OPCML: variants seen among roughly 807,000 people sequenced by gnomAD.
OPCML encodes the protein opioid-binding protein/cell adhesion molecule.
Under a neutral mutation model 37.8 loss-of-function variants are expected in OPCML, and 13 were observed. The ratio of observed to expected loss-of-function variants is 0.34; its 90% confidence interval spans 0.22 to 0.55. The LOEUF (loss-of-function observed/expected upper bound fraction) is 0.55. Among genes scored for constraint, OPCML ranks in the 20% least tolerant of loss-of-function variants. The pLI, the probability that OPCML is intolerant of heterozygous loss-of-function variation, is 0.91. For synonymous variants in OPCML, 176 were observed against 168.8 expected (o/e 1.04, Z -0.33); for missense variants, 341 against 435.6 (o/e 0.78, Z 1.93).
chr11:132,588,176 G>A (rs908485277), intron 3 of OPCML, among the ~76,000 whole-genome samples: 4 of 152,104 alleles, frequency 2.6e-5, no homozygotes, highest in African/African-American at 9.7e-5. Flanking sequence ...CACATCATGG[G>A]GGCATCAGGT....
At chr11:132,632,190 CA>C (rs1355001174) in intron 3 of OPCML, among the ~76,000 whole-genome samples, 1 of 145,514 alleles carries the variant, frequency 6.9e-6, no homozygotes, top group Non-Finnish European at 1.5e-5. Context: ...GAGATTTGGG[CA>C]GGATCTTGTT....
Position 132,419,150 on chromosome 11 carries a change from C to T in OPCML, c.*1043G>A, listed in dbSNP as rs948162964. 6.6e-6 allele frequency: 1 copy of T among 152,432 alleles called. No homozygotes were observed. The highest frequency in any genetic ancestry group is 1.5e-5 in the Non-Finnish European group (1 of 68,038). The allele number at this position is 152,432 out of a possible 1,614,324, so 9.4% of individuals were successfully genotyped here. On this transcript the variant is annotated 3_prime_UTR_variant, in exon 8 of 8. Transcript: ENST00000524381. Reference sequence around the variant, plus strand: ...AAGATAATTTTGAAGATGCCAATGTCTGCTGATGGTGTATAAATGAATACA... The same window carrying T: ...AAGATAATTTTGAAGATGCCAATGTTTGCTGATGGTGTATAAATGAATACA...
intron 2 of OPCML, among the ~76,000 whole-genome samples, chr11:132,728,589 TA>T (rs1330731451): frequency 2.0e-5 from 3 of 152,228 alleles, no homozygotes; most frequent in African/African-American, 7.2e-5. Flanking sequence ...GTTCTCTCCC[TA>T]CTTCAACACA....
chr11:132,542,805 T>C (rs2096360034), intron 3 of OPCML, among the ~76,000 whole-genome samples: 2 of 152,158 alleles, frequency 1.3e-5, no homozygotes, highest in Non-Finnish European at 2.9e-5. Flanking sequence ...CTAGGTACAC[T>C]TCCCAGTAAA....
chr11:132,909,825 C>T (rs761107855), intron 2 of OPCML, among the ~76,000 whole-genome samples: 1 of 152,136 alleles, frequency 6.6e-6, no homozygotes, highest in East Asian at 1.9e-4. Flanking sequence ...GCCTCACTTG[C>T]CATTTAATGT....
In OPCML at chr11:132,415,498, A is replaced by G. The variant is rs2095935565; in HGVS notation, c.*4695T>C. ...AGTACATAGCATTGTTATTACTGAT[A>G]GCTTTATAAATCTGCCAAATAACAT... On this transcript the variant is annotated 3_prime_UTR_variant, in exon 8 of 8. Coordinates refer to ENST00000524381, the MANE Select transcript of OPCML (RefSeq NM_001012393.5). 6.6e-6 allele frequency: 1 copy of G among 152,196 alleles called. No individual in the cohort carries two copies. The highest frequency in any genetic ancestry group is 2.4e-5 in the African/African-American group (1 of 41,448). The allele number at this position is 152,196 out of a possible 1,614,324, so 9.4% of individuals were successfully genotyped here.
At chr11:133,186,067 T>A (rs1210316563) in intron 1 of OPCML, among the ~76,000 whole-genome samples, 1 of 152,048 alleles carries the variant, frequency 6.6e-6, no homozygotes, top group Non-Finnish European at 1.5e-5. Flanking sequence ...CCATCCTTTG[T>A]AGTTATTTCA....
At chr11:132,852,738 C>G (rs925178498) in intron 2 of OPCML, among the ~76,000 whole-genome samples, 1 of 152,078 alleles carries the variant, frequency 6.6e-6, no homozygotes, top group South Asian at 2.1e-4. Context: ...CCTGAGTACA[C>G]ATTTTAAAAT....
At chr11:133,109,326 G>A (rs1440962638) in intron 1 of OPCML, among the ~76,000 whole-genome samples, 2 of 152,174 alleles carry the variant, frequency 1.3e-5, no homozygotes, top group African/African-American at 2.4e-5. Context: ...GCATGGAAGA[G>A]GACTGAGTGG....
At chr11:132,473,159 T>G (rs2096143469) in intron 4 of OPCML, among the ~76,000 whole-genome samples, 1 of 152,236 alleles carries the variant, frequency 6.6e-6, no homozygotes, top group Non-Finnish European at 1.5e-5. Context: ...AAATGCCAAG[T>G]GAATGACCTT....
chr11:133,469,953 C>G (rs1351288681), intron 1 of OPCML, among the ~76,000 whole-genome samples: 1 of 152,224 alleles, frequency 6.6e-6, no homozygotes, highest in Non-Finnish European at 1.5e-5. Context: ...CAATTAAAAT[C>G]CTTACAGTCT....
intron 1 of OPCML, among the ~76,000 whole-genome samples, chr11:132,949,525 C>T (rs1945814988): frequency 6.6e-6 from 1 of 152,182 alleles, no homozygotes; most frequent in Admixed American, 6.5e-5. Context: ...AACCAGTATC[C>T]TGGGCTGTGA....
rs1941630847 is a variant in OPCML at position 132,654,925 on chromosome 11, A to G, written c.379+2162T>C. Among the ~76,000 whole-genome samples, 3 of 149,696 alleles carry G rather than the reference A, an allele frequency of 2.0e-5. No homozygotes were observed. In the Admixed American group the frequency reaches 2.0e-4, roughly 10 times the overall value. ...GAGTAGCTTGGCCTGGAATGCGGAG[A>G]CTGAGGAGCTGACCTCTGAAATAGA... On this transcript the variant is annotated intron_variant, in intron 3 of 7. Transcript: ENST00000524381.
At chr11:133,401,577 ATAT>A (rs1945407559) in intron 1 of OPCML, among the ~76,000 whole-genome samples, 1 of 152,112 alleles carries the variant, frequency 6.6e-6, no homozygotes, top group Non-Finnish European at 1.5e-5. Flanking sequence ...GTTGATATTG[ATAT>A]TATTATTAAT....
chr11:132,596,867 C>A (rs2096493289), intron 3 of OPCML, among the ~76,000 whole-genome samples: 1 of 152,180 alleles, frequency 6.6e-6, no homozygotes, highest in Non-Finnish European at 1.5e-5. Flanking sequence ...TTAAGAGCAT[C>A]CTAGAGGATA....
chr11:133,522,772 T>C (rs1422600341), intron 1 of OPCML, among the ~76,000 whole-genome samples: 1 of 152,214 alleles, frequency 6.6e-6, no homozygotes, highest in Non-Finnish European at 1.5e-5. Flanking sequence ...CAGATGCCCT[T>C]TGCCCGAGTG....
intron 2 of OPCML, among the ~76,000 whole-genome samples, chr11:132,937,704 G>GCT (rs1945439104): frequency 6.6e-6 from 1 of 151,396 alleles, no homozygotes; most frequent in African/African-American, 2.4e-5. Flanking sequence ...AGCCAGCCTT[G>GCT]CTCTCCCAGG....
chr11:133,075,480 G>A (rs1370649865), intron 1 of OPCML, among the ~76,000 whole-genome samples: 1 of 152,184 alleles, frequency 6.6e-6, no homozygotes, highest in African/African-American at 2.4e-5. Flanking sequence ...GAGCGGTGGG[G>A]ACGCTGCCGG....
At chr11:133,438,084 A>C (rs1946282241) in intron 1 of OPCML, among the ~76,000 whole-genome samples, 1 of 152,230 alleles carries the variant, frequency 6.6e-6, no homozygotes, top group South Asian at 2.1e-4. Context: ...AAGTTTAAAT[A>C]ACTGTTGATG....
Sources: allele counts gnomAD v4.1 joint callset (sites outside exome capture counted in the v4.1 genomes callset), GRCh38; gene constraint gnomAD v4.1.1; transcripts MANE v1.5; gene names NCBI Gene and HGNC (gene_info 2026-07-23, HGNC 2026-07-21).